Variants in C2CD2 observed in about 807,000 individuals in gnomAD.
C2CD2 encodes the protein C2 domain-containing protein 2.
A neutral mutation model predicts 74.3 loss-of-function variants in C2CD2; 43 were observed. The ratio of observed to expected loss-of-function variants is 0.58; its 90% confidence interval spans 0.45 to 0.75. The LOEUF (loss-of-function observed/expected upper bound fraction) is 0.75, where lower values mean the gene tolerates loss of function less well. Ranked by LOEUF, C2CD2 falls within the 30% of genes least tolerant of loss-of-function variation. C2CD2 has a pLI of 0.00. For missense variants in C2CD2, 801 were observed against 916.3 expected (o/e 0.87, Z 1.63); for synonymous variants, 422 against 390.7 (o/e 1.08, Z -0.94).
rs750495708 is a variant in C2CD2, at chr21:41,918,150, T to C, written c.675A>G (p.Pro225=). 2 of 1,614,138 alleles carry C rather than the reference T, an allele frequency of 1.2e-6. No homozygotes were observed. Among genetic ancestry groups the C allele is most frequent in the Non-Finnish European group, 8.5e-7 (1 of 1,180,010 alleles). The change falls in exon 5 of 14, where the codon CCA becomes CCG. Residue 225 remains proline, a synonymous_variant. Transcript: ENST00000380486. ...TGGGCTTGGTAATCAGAACCACTGATGGAGAGGCAGAACCAGCCAAATGCT... is the reference window on the plus strand; with the variant it reads ...TGGGCTTGGTAATCAGAACCACTGACGGAGAGGCAGAACCAGCCAAATGCT... The part of the protein sequence containing the change: ...ILKHLAGSAS[P]SVVLITKPTT...
At position 41,903,462 on chromosome 21, in the gene C2CD2, G is replaced by GGACA. The variant is rs1304929615; in HGVS notation, c.1433-1717_1433-1714dup. 6.6e-6 allele frequency among the ~76,000 whole-genome samples: 1 copy of GGACA among 152,142 alleles called. No individual in the cohort carries two copies. The highest frequency in any genetic ancestry group is 1.5e-5 in the Non-Finnish European group (1 of 68,016). On this transcript the variant is annotated intron_variant, in intron 11 of 13. Coordinates refer to ENST00000380486, the MANE Select transcript of C2CD2 (RefSeq NM_015500.2). The surrounding 1 kb of genome is among the most constrained non-coding windows in gnomAD (Gnocchi z 4.5). ...AATGCCAGAATTGAATTAAATTGTAGGACACCCAGTTGGTGTCTGCAGAGA... is the reference window on the plus strand; with the variant it reads ...AATGCCAGAATTGAATTAAATTGTAGGACAGACACCCAGTTGGTGTCTGCAGAGA...
chr21:41,938,941 A>G (rs55801952), intron 2 of C2CD2, among the ~76,000 whole-genome samples: 4,650 of 152,096 alleles, frequency 0.031, 81 homozygotes, highest in African/African-American at 0.056. Context: ...ATGGGGTTTC[A>G]CCATGTTGGC....
chr21:41,934,110 T>C (rs1468834026), intron 2 of C2CD2, among the ~76,000 whole-genome samples: 2 of 152,162 alleles, frequency 1.3e-5, no homozygotes, highest in East Asian at 3.8e-4. Flanking sequence ...ATTTCTGTAA[T>C]TATATCAAAA....
intron 1 of C2CD2, among the ~76,000 whole-genome samples, chr21:41,948,235 C>T (rs938640264): frequency 1.3e-5 from 2 of 152,220 alleles, no homozygotes; most frequent in Non-Finnish European, 2.9e-5. Context: ...TTCTCCTCCT[C>T]CAGAGGCCCA....
chr21:41,922,162 TC>T (rs202220250), intron 2 of C2CD2, 77 bp from the exon 3 acceptor site: 10,965 of 654,158 alleles, frequency 0.017, 152 homozygotes, highest in South Asian at 0.036. Flanking sequence ...TTCTTCTTCT[TC>T]TTTTTTTTTT....
intron 2 of C2CD2, among the ~76,000 whole-genome samples, chr21:41,934,561 T>A (rs188113177): frequency 6.6e-6 from 1 of 152,294 alleles, no homozygotes; most frequent in East Asian, 1.9e-4. Context: ...AAAATGCACG[T>A]ACTCTTTCTC....
chr21:41,899,464 C>A lies in C2CD2; in HGVS notation c.1561-102G>T. 8.8e-7 allele frequency: 1 copy of A among 1,142,278 alleles called. No homozygotes were observed. The highest frequency in any genetic ancestry group is 1.2e-6 in the Non-Finnish European group (1 of 806,652). The allele number at this position is 1,142,278 out of a possible 1,614,324, so 70.8% of individuals were successfully genotyped here. A position where few individuals can be genotyped will look rare whatever the true frequency, so the allele number is the denominator to read the frequency against. ...TCCAAAACATTCTGACAGCTGATTT[C>A]AAAGTCTCAGAAGATGCAGCCGTGG... On this transcript the variant is annotated intron_variant, in intron 12 of 13. Coordinates refer to ENST00000380486, the MANE Select transcript of C2CD2 (RefSeq NM_015500.2). This position sits in a 1 kb window ranked among gnomAD's most constrained non-coding sequence, Gnocchi z 4.4.
At chr21:41,904,699 C>G (rs946098832) in intron 11 of C2CD2, among the ~76,000 whole-genome samples, 2 of 152,146 alleles carry the variant, frequency 1.3e-5, no homozygotes, top group Non-Finnish European at 2.9e-5. Context: ...GAATCCAACA[C>G]CATGTTAAGA....
At chr21:41,940,129 G>A (rs1164736335) in intron 2 of C2CD2, among the ~76,000 whole-genome samples, 3 of 152,142 alleles carry the variant, frequency 2.0e-5, no homozygotes, top group East Asian at 3.8e-4. Flanking sequence ...AAAAAGATCT[G>A]ATACCCGAAA....
chr21:41,912,930 C>T (rs2065045284), intron 6 of C2CD2, among the ~76,000 whole-genome samples: 1 of 152,360 alleles, frequency 6.6e-6, no homozygotes, highest in Admixed American at 6.5e-5. Context: ...TAGCACCAGC[C>T]TTTATTGGAG....
intron 4 of C2CD2, 111 bp from the exon 5 acceptor site, chr21:41,918,338 C>A (rs1601580697): frequency 8.7e-7 from 1 of 1,155,832 alleles, no homozygotes; most frequent in South Asian, 1.5e-5. Flanking sequence ...AAGGAAATTA[C>A]CTTCAGATTT....
rs371481450 is a variant in C2CD2, at chr21:41,907,771, C to T, written c.1032G>A (p.Thr344=). Residue 344 remains threonine, a synonymous_variant, in exon 9 of 14, where the codon ACG becomes ACA. Coordinates refer to ENST00000380486, the MANE Select transcript of C2CD2 (RefSeq NM_015500.2). ...AGRSSEGLLA[T]ATVPLDLFKK... is the part of the protein sequence containing the mutation. ...TAAATAAGTCCAGAGGAACTGTCGC[C>T]GTCGCCAGCAGACCTGAAAAGATAG... 1.9e-5 allele frequency: 31 copies of T among 1,613,836 alleles called. No homozygotes were observed. Among genetic ancestry groups the T allele is most frequent in the Non-Finnish European group, 2.6e-5 (31 of 1,179,956 alleles).
chr21:41,943,290 CA>C (rs543451779), intron 1 of C2CD2, among the ~76,000 whole-genome samples: 329 of 150,874 alleles, frequency 2.2e-3, no homozygotes, highest in Non-Finnish European at 4.1e-3. Flanking sequence ...GGCCCTGTCT[CA>C]AAAAGAAAAA....
intron 1 of C2CD2, among the ~76,000 whole-genome samples, chr21:41,950,238 A>G (rs1384769978): frequency 6.6e-6 from 1 of 152,170 alleles, no homozygotes; most frequent in Non-Finnish European, 1.5e-5. Context: ...GACACTCTCA[A>G]AGTGTGCTCC....
chr21:41,945,617 A>T lies in C2CD2; in HGVS notation c.280-3372T>A, dbSNP rs2065391843. ...ACTGATTCGGTTTGGCTCTGTTTGT[A>T]ACCACCATGTGTCAAGAGAGGGACC... On this transcript the variant is annotated intron_variant, in intron 1 of 13. Transcript: ENST00000380486. This position sits in a 1 kb window ranked among gnomAD's most constrained non-coding sequence, Gnocchi z 4.2. 6.6e-6 allele frequency among the ~76,000 whole-genome samples: 1 copy of T among 152,208 alleles called. No individual in the cohort carries two copies. Among genetic ancestry groups the T allele is most frequent in the Non-Finnish European group, 1.5e-5 (1 of 68,030 alleles).
Position 41,926,773 on chromosome 21 carries a change from A to G in C2CD2, c.379-4688T>C, listed in dbSNP as rs1486100915. On this transcript the variant is annotated intron_variant, in intron 2 of 13. Coordinates refer to ENST00000380486, the MANE Select transcript of C2CD2 (RefSeq NM_015500.2). The surrounding 1 kb of genome is among the most constrained non-coding windows in gnomAD (Gnocchi z 8.0). Reference sequence around the variant, plus strand: ...TCGGCTCCTTCTCTTAGAACACTCTAGAGAACTGGAAATCATGTAATTACT... The same window carrying G: ...TCGGCTCCTTCTCTTAGAACACTCTGGAGAACTGGAAATCATGTAATTACT... 1 of 191,672 alleles carries G rather than the reference A, an allele frequency of 5.2e-6. No individual in the cohort carries two copies. The highest frequency in any genetic ancestry group is 6.5e-5 in the Admixed American group (1 of 15,324). The allele number at this position is 191,672 out of a possible 1,614,324, so 11.9% of individuals were successfully genotyped here.
intron 12 of C2CD2, chr21:41,901,129 C>T (rs915286131): frequency 8.1e-5 from 16 of 197,162 alleles, no homozygotes; most frequent in Admixed American, 7.4e-4. Flanking sequence ...TCTGAGCGGA[C>T]GTCCCAGAGC....
chr21:41,944,362 CACAA>C (rs2065380519), intron 1 of C2CD2, among the ~76,000 whole-genome samples: 2 of 151,268 alleles, frequency 1.3e-5, no homozygotes, highest in Non-Finnish European at 2.9e-5. Flanking sequence ...AATACACACA[CACAA>C]AAAAAATTAG....
chr21:41,889,452 G>T (rs1449444103), intron 13 of C2CD2, 108 bp from the exon 14 acceptor site: 1 of 730,286 alleles, frequency 1.4e-6, no homozygotes, highest in Non-Finnish European at 2.4e-6. Context: ...TCTAACGAAG[G>T]GCCAGTTTAC....
Sources: gnomAD v4.1 joint callset for allele counts (sites outside exome capture counted in the v4.1 genomes callset) on GRCh38, gnomAD v4.1.1 for gene constraint, Gnocchi (gnomAD v3.1) non-coding constraint, MANE v1.5 for transcripts, NCBI Gene and HGNC (gene_info 2026-07-23, HGNC 2026-07-21) for gene names.